NT5DC3: variants seen among roughly 807,000 people sequenced by gnomAD.
NT5DC3 encodes the protein 5'-nucleotidase domain-containing protein 3.
A neutral mutation model predicts 67.8 loss-of-function variants in NT5DC3; 42 were observed. The ratio of observed to expected loss-of-function variants is 0.62; its 90% confidence interval spans 0.48 to 0.80. The LOEUF is 0.80. NT5DC3 is among the 30% of genes least tolerant of loss of function. NT5DC3 has a pLI of 0.00. For missense variants in NT5DC3, 570 were observed against 696.4 expected (o/e 0.82, Z 2.04); for synonymous variants, 237 against 255.6 (o/e 0.93, Z 0.69).
chr12:103,785,503 C>T (rs572307343), intron 11 of NT5DC3, 28 bp from the exon 12 acceptor site: 28 of 1,612,072 alleles, frequency 1.7e-5, no homozygotes, highest in African/African-American at 8.0e-5. Flanking sequence ...GAAAAGTCAA[C>T]GTCAGTCTCA....
chr12:103,749,213 T>A, the NT5DC3 span: 1 of 1,515,970 alleles, frequency 6.6e-7, no homozygotes, highest in Non-Finnish European at 8.9e-7. Context: ...TCGCTCCTCC[T>A]TGCCTTTCCA....
intron 1 of NT5DC3, among the ~76,000 whole-genome samples, chr12:103,840,374 A>ACTGCT: frequency 1.1e-5 from 1 of 90,996 alleles, no homozygotes; most frequent in East Asian, 3.8e-4. Flanking sequence ...CAAACACCGC[A>ACTGCT]CAGCTCATCT....
At chr12:103,828,859 CA>C (rs2139462467) in intron 1 of NT5DC3, among the ~76,000 whole-genome samples, 1 of 152,120 alleles carries the variant, frequency 6.6e-6, no homozygotes, top group Admixed American at 6.5e-5. Context: ...CCACCATGCC[CA>C]GTTAATTTTC....
At chr12:103,825,806 T>G (rs769233589) in intron 1 of NT5DC3, among the ~76,000 whole-genome samples, 4 of 152,176 alleles carry the variant, frequency 2.6e-5, no homozygotes, top group Non-Finnish European at 5.9e-5. Context: ...GATCAAAAAA[T>G]AGGCAAACTC....
chr12:103,800,994 T>C (rs568545694), intron 4 of NT5DC3, among the ~76,000 whole-genome samples: 1 of 152,240 alleles, frequency 6.6e-6, no homozygotes, highest in Admixed American at 6.5e-5. Flanking sequence ...GCTTCACTAG[T>C]GTGGCTGTGA....
chr12:103,827,946 G>T (rs1887763359), intron 1 of NT5DC3, among the ~76,000 whole-genome samples: 1 of 152,172 alleles, frequency 6.6e-6, no homozygotes, highest in Admixed American at 6.5e-5. Flanking sequence ...AACTGAACAC[G>T]AATTAACTTT....
At chr12:103,785,314 A>C in intron 12 of NT5DC3, 21 bp downstream of exon 12, 1 of 1,612,094 alleles carries the variant, frequency 6.2e-7, no homozygotes, top group Non-Finnish European at 8.5e-7. Context: ...AAAGTGAGAG[A>C]GAAAAATAAT....
At chr12:103,751,388 G>T in the NT5DC3 span, among the ~76,000 whole-genome samples, 2 of 152,158 alleles carry the variant, frequency 1.3e-5, no homozygotes, top group Admixed American at 6.6e-5. Context: ...GGAGTGAGAT[G>T]AGGTTGAAAG....
At chr12:103,750,817 CTGG>C in the NT5DC3 span, 4 of 1,442,266 alleles carry the variant, frequency 2.8e-6, no homozygotes, top group Non-Finnish European at 3.7e-6. Flanking sequence ...CAGGCCAAGC[CTGG>C]TGGCTCAAGC....
intron 7 of NT5DC3, 71 bp downstream of exon 7, chr12:103,793,866 T>C: frequency 1.5e-6 from 2 of 1,313,846 alleles, no homozygotes; most frequent in Admixed American, 3.4e-5. Flanking sequence ...GAATGCAAAG[T>C]AAAATGCCGG....
In NT5DC3 at chr12:103,841,216, C is replaced by G. The variant is rs1049207190; in HGVS notation, c.-60G>C. On this transcript the variant is annotated 5_prime_UTR_variant, in exon 1 of 14. Transcript: ENST00000392876. ...GCTCTGCGACTGCTGCTGCCCGGCCCAAGATCTACCCGCGCTCTGCCCTGC... is the reference window on the plus strand; with the variant it reads ...GCTCTGCGACTGCTGCTGCCCGGCCGAAGATCTACCCGCGCTCTGCCCTGC... 1 of 531,446 alleles carries G rather than the reference C, an allele frequency of 1.9e-6. No individual in the cohort carries two copies. The highest frequency in any genetic ancestry group is 4.3e-5 in the East Asian group (1 of 23,430). 32.9% of individuals were successfully genotyped at this position (531,446 alleles called of 1,614,324 possible).
chr12:103,813,454 T>C (rs1025666791), intron 2 of NT5DC3, among the ~76,000 whole-genome samples: 1 of 152,232 alleles, frequency 6.6e-6, no homozygotes, highest in African/African-American at 2.4e-5. Flanking sequence ...AAGCTTCTTT[T>C]TGGCAAATGC....
At chr12:103,757,978 G>T in the NT5DC3 span, 16 of 749,128 alleles carry the variant, frequency 2.1e-5, no homozygotes, top group Non-Finnish European at 3.2e-5. Flanking sequence ...TAAACCATAG[G>T]ATTCACTGAG....
intron 1 of NT5DC3, among the ~76,000 whole-genome samples, chr12:103,829,897 A>AG (rs397771596): frequency 3.3e-5 from 5 of 151,424 alleles, no homozygotes; most frequent in African/African-American, 9.7e-5. Flanking sequence ...AAAAAAAAAA[A>AG]GGTCTCTTTA....
chr12:103,831,343 G>A (rs1887915977), intron 1 of NT5DC3, among the ~76,000 whole-genome samples: 1 of 152,162 alleles, frequency 6.6e-6, no homozygotes, highest in Admixed American at 6.5e-5. Context: ...CCAGCCATGT[G>A]GAACTGTGAG....
At chr12:103,762,508 G>A in the NT5DC3 span, 1 of 1,564,176 alleles carries the variant, frequency 6.4e-7, no homozygotes, top group Non-Finnish European at 8.7e-7. Context: ...TCACCCAGAA[G>A]CAGTGTGTCA....
chr12:103,800,023 T>C (rs1372590890), intron 4 of NT5DC3, among the ~76,000 whole-genome samples: 1 of 152,136 alleles, frequency 6.6e-6, no homozygotes, highest in Non-Finnish European at 1.5e-5. Context: ...GTACAGGAAA[T>C]GTCACGCTGT....
rs754115759 is a variant in NT5DC3, at chr12:103,793,388, A to G, written c.917+22T>C. ...TACAAGGAGTGTGCCAGAAGCTAGC[A>G]ATGAAACACAGAGCAACTTACACAA... is the stretch of plus-strand genomic sequence containing the variant. On this transcript the variant is annotated intron_variant, in intron 8 of 13. Transcript: ENST00000392876. 12 of 1,595,722 alleles carry G rather than the reference A, an allele frequency of 7.5e-6. No homozygotes were observed. In the South Asian group the frequency reaches 8.8e-5, roughly 12 times the overall value.
chr12:103,761,302 G>T, the NT5DC3 span: 1 of 1,613,860 alleles, frequency 6.2e-7, no homozygotes. Flanking sequence ...TTCCCTAGAC[G>T]GAGACCAGGT....
Sources: gnomAD v4.1 joint callset for allele counts (sites outside exome capture counted in the v4.1 genomes callset) on GRCh38, gnomAD v4.1.1 for gene constraint, MANE v1.5 for transcripts, NCBI Gene and HGNC (gene_info 2026-07-23, HGNC 2026-07-21) for gene names.